The following WDR75 variants were observed in gnomAD, a reference collection of about 807,000 sequenced individuals.
The protein encoded by WDR75 is WD repeat domain 75.
WDR75 carries 52 observed loss-of-function variants against 106.1 expected under a neutral mutation model. The ratio of observed to expected loss-of-function variants is 0.49; its 90% CI spans 0.39 to 0.62. The LOEUF (loss-of-function observed/expected upper bound fraction) is 0.62. Among genes scored for constraint, WDR75 ranks in the 20% least tolerant of loss-of-function variants. The pLI is 0.00. For missense variants in WDR75, 905 were observed against 970.3 expected, an observed-to-expected ratio of 0.93 and a Z score of 0.89; for synonymous variants, 333 against 335.5, an observed-to-expected ratio of 0.99 and a Z score of 0.08.
At position 189,465,177 on chromosome 2, in the gene WDR75, A is replaced by G; in HGVS notation, c.1212A>G (p.Thr404=). ...AFGCFGNWLA[T]VEQRQEKETE... is the part of the protein sequence containing the mutation. ...GCTGCTTTGGTAACTGGCTTGCAAC[A>G]GTGGAACAGCGGCAAGAAAAGGAAA... The change falls in exon 12 of 21, where the codon ACA becomes ACG. Residue 404 remains threonine (T), a synonymous_variant. Transcript: ENST00000314761. 1 of 1,613,346 alleles carries G rather than the reference A, an allele frequency of 6.2e-7. No homozygotes were observed.
intron 1 of WDR75, 129 bp downstream of exon 1, chr2:189,441,707 G>C: frequency 9.7e-7 from 1 of 1,030,608 alleles, no homozygotes; most frequent in Non-Finnish European, 1.4e-6. Context: ...TAGAGCACGC[G>C]CCTGTGGGGG....
chr2:189,451,373 A>G (rs1421183727), intron 3 of WDR75, among the ~76,000 whole-genome samples: 4 of 152,232 alleles, frequency 2.6e-5, no homozygotes, highest in Non-Finnish European at 4.4e-5. Context: ...TTCCCCTCAT[A>G]AATTTAGCCA....
intron 20 of WDR75, 46 bp downstream of exon 20, chr2:189,474,854 C>T (rs1464557233): frequency 1.4e-6 from 2 of 1,469,938 alleles, no homozygotes; most frequent in Admixed American, 3.4e-5. Context: ...TTTTGGGAAA[C>T]AGGATCGTTT....
chr2:189,442,941 C>T (rs1686416315), intron 1 of WDR75, among the ~76,000 whole-genome samples: 1 of 152,188 alleles, frequency 6.6e-6, no homozygotes, highest in Non-Finnish European at 1.5e-5. Flanking sequence ...GCTTCGGACT[C>T]ATATCCATGT....
In WDR75 at chr2:189,458,751, A is replaced by G; in HGVS notation, c.570-2A>G. On this transcript the variant is annotated splice_acceptor_variant, in intron 6 of 20. Transcript: ENST00000314761. LOFTEE classifies it high-confidence loss of function. Reference sequence around the variant, plus strand: ...AGGGAATTTGTTTTTTTTTTCTCCTAGGTTTACTTTATCATCATCAAGAAA... The same window carrying G: ...AGGGAATTTGTTTTTTTTTTCTCCTGGGTTTACTTTATCATCATCAAGAAA... 1 of 1,550,368 alleles carries G rather than the reference A, an allele frequency of 6.5e-7. No individual in the cohort carries two copies. Among genetic ancestry groups the G allele is most frequent in the South Asian group, 1.2e-5 (1 of 80,082 alleles).
intron 4 of WDR75, among the ~76,000 whole-genome samples, chr2:189,454,723 C>G (rs1392272067): frequency 6.6e-6 from 1 of 151,970 alleles, no homozygotes; most frequent in African/African-American, 2.4e-5. Context: ...CAGGGTTTCA[C>G]CGTGTTAGCC....
At chr2:189,451,026 A>T in intron 3 of WDR75, 58 bp downstream of exon 3, 1 of 1,571,210 alleles carries the variant, frequency 6.4e-7, no homozygotes. Flanking sequence ...ATGTAATTTA[A>T]TGGTAGATGT....
chr2:189,464,025 C>T (rs1043035740), intron 11 of WDR75, 64 bp downstream of exon 11: 4 of 1,354,664 alleles, frequency 3.0e-6, no homozygotes, highest in Non-Finnish European at 4.2e-6. Flanking sequence ...TGGAGTCAAG[C>T]AATTTGTTTA....
intron 18 of WDR75, among the ~76,000 whole-genome samples, chr2:189,472,261 A>G (rs1687132617): frequency 6.6e-6 from 1 of 152,180 alleles, no homozygotes. Context: ...AGACGAAAAG[A>G]TGGCATGCAT....
chr2:189,474,869 T>G, intron 20 of WDR75, 61 bp downstream of exon 20: 2 of 1,337,868 alleles, frequency 1.5e-6, no homozygotes, highest in Non-Finnish European at 2.1e-6. Flanking sequence ...TCGTTTGTGT[T>G]TATCCTTTTT....
intron 11 of WDR75, among the ~76,000 whole-genome samples, chr2:189,464,551 T>C (rs1336443080): frequency 6.6e-6 from 1 of 152,176 alleles, no homozygotes; most frequent in African/African-American, 2.4e-5. Flanking sequence ...GCCTGTAAAT[T>C]GTAGGCATTT....
rs2106112219 is a variant in WDR75, at chr2:189,448,423, C to G, written c.131C>G (p.Thr44Arg). 1 of 1,613,808 alleles carries G rather than the reference C, an allele frequency of 6.2e-7. No individual in the cohort carries two copies. Among genetic ancestry groups the G allele is most frequent in the African/African-American group, 1.3e-5 (1 of 75,026 alleles). Residue 44 changes from threonine (T) to arginine (R), a missense_variant, in exon 2 of 21, where the codon ACA (threonine) becomes AGA (arginine). Transcript: ENST00000314761. Reference protein sequence around the residue: ...VSGDFVKVYSTVTEECVHILH... With the variant: ...VSGDFVKVYSRVTEECVHILH... ...GGAGACTTTGTTAAAGTTTACAGCACAGTTACAGAAGAGTGTGTACACATA... is the reference window on the plus strand; with the variant it reads ...GGAGACTTTGTTAAAGTTTACAGCAGAGTTACAGAAGAGTGTGTACACATA...
chr2:189,471,616 T>C (rs948478277), intron 18 of WDR75, among the ~76,000 whole-genome samples: 1 of 152,198 alleles, frequency 6.6e-6, no homozygotes, highest in Non-Finnish European at 1.5e-5. Context: ...TTCAGATACA[T>C]TAGGTATTCT....
At chr2:189,443,645 A>T (rs1039110362) in intron 1 of WDR75, among the ~76,000 whole-genome samples, 3 of 152,176 alleles carry the variant, frequency 2.0e-5, no homozygotes, top group Admixed American at 6.5e-5. Context: ...AGGGAGTTAC[A>T]TAGTCAGTTT....
intron 8 of WDR75, among the ~76,000 whole-genome samples, chr2:189,460,251 T>C (rs1030722422): frequency 4.6e-5 from 7 of 152,336 alleles, no homozygotes; most frequent in African/African-American, 1.7e-4. Context: ...CAGGTCTTCC[T>C]GGAGACTGAC....
At chr2:189,444,060 G>A (rs1488490573) in intron 1 of WDR75, among the ~76,000 whole-genome samples, 1 of 151,990 alleles carries the variant, frequency 6.6e-6, no homozygotes, top group Non-Finnish European at 1.5e-5. Flanking sequence ...TAGAAATTCA[G>A]GACTGAAGTT....
intron 13 of WDR75, among the ~76,000 whole-genome samples, chr2:189,467,055 G>A (rs1473777383): frequency 6.6e-6 from 1 of 151,942 alleles, no homozygotes; most frequent in Non-Finnish European, 1.5e-5. Flanking sequence ...CCCTCATTTA[G>A]CAGTCTCCCT....
At position 189,455,413 on chromosome 2, in the gene WDR75, A is replaced by G. The variant is rs1463226743; in HGVS notation, c.467A>G (p.Gln156Arg). The change falls in exon 5 of 21, where the codon CAG (glutamine) becomes CGG (arginine). Residue 156 changes from glutamine to arginine, a missense_variant. Physicochemically the swap from Gln to Arg is conservative, Grantham distance 43. Coordinates refer to ENST00000314761, the MANE Select transcript of WDR75 (RefSeq NM_032168.3). ...ELSFVLDYIN[Q>R]SPKCIAFGNE... ...TCCTTTGTTTTGGATTACATAAACC[A>G]GTCACCCAAGTGCATTGCCTTTGGA... 7 of 1,613,548 alleles carry G rather than the reference A, an allele frequency of 4.3e-6. No homozygotes were observed. Among genetic ancestry groups the G allele is most frequent in the Non-Finnish European group, 5.9e-6 (7 of 1,179,738 alleles).
In WDR75 at chr2:189,470,723, A is replaced by G. The variant is rs1038337455; in HGVS notation, c.1990-96A>G. Reference sequence around the variant, plus strand: ...TTGTCAAATATATATATCAAAGTGAAAAATTTGACCTTCTCATTTTTTAAC... The same window carrying G: ...TTGTCAAATATATATATCAAAGTGAGAAATTTGACCTTCTCATTTTTTAAC... On this transcript the variant is annotated intron_variant, in intron 17 of 20. Coordinates refer to ENST00000314761, the MANE Select transcript of WDR75 (RefSeq NM_032168.3). The G allele has an allele frequency of 5.0e-6, 4 of 804,288 alleles. No individual in the cohort carries two copies. In the Admixed American group the frequency reaches 1.1e-4, roughly 22 times the overall value. 49.8% of individuals were successfully genotyped at this position (804,288 alleles called of 1,614,324 possible).
Sources: allele counts gnomAD v4.1 joint callset (sites outside exome capture counted in the v4.1 genomes callset), GRCh38; gene constraint gnomAD v4.1.1; transcripts MANE v1.5; gene names NCBI Gene and HGNC (gene_info 2026-07-23, HGNC 2026-07-21).